ATP6V0A1: variants seen among roughly 807,000 people sequenced by gnomAD.
The protein encoded by ATP6V0A1 is ATPase H+ transporting V0 subunit a1, also known as V-type proton ATPase 116 kDa subunit a 1.
Under a neutral mutation model 105.4 loss-of-function variants are expected in ATP6V0A1, and 43 were observed. That is an observed-to-expected ratio of 0.41 (90% CI 0.32 to 0.53). The LOEUF (loss-of-function observed/expected upper bound fraction) is 0.53, where lower values mean the gene tolerates loss of function less well. Ranked by LOEUF, ATP6V0A1 falls within the 20% of genes least tolerant of loss-of-function variation. ATP6V0A1 has a pLI of 0.30. For missense variants in ATP6V0A1, 676 were observed against 1,051.1 expected, an observed-to-expected ratio of 0.64 and a Z score of 4.93; for synonymous variants, 362 against 372.8, an observed-to-expected ratio of 0.97 and a Z score of 0.33.
At chr17:42,517,299 C>CA (rs1567876351) in intron 21 of ATP6V0A1, among the ~76,000 whole-genome samples, 3 of 149,152 alleles carry the variant, frequency 2.0e-5, no homozygotes, top group African/African-American at 7.7e-5. Context: ...ACAACAACAA[C>CA]AACAACAAAA....
At chr17:42,479,708 T>G (rs1360608067) in intron 7 of ATP6V0A1, among the ~76,000 whole-genome samples, 2 of 152,208 alleles carry the variant, frequency 1.3e-5, no homozygotes, top group Admixed American at 1.3e-4. Flanking sequence ...GGAGTGTGGT[T>G]ACACTTCAGG....
At chr17:42,485,757 A>G (rs1456518473) in intron 9 of ATP6V0A1, among the ~76,000 whole-genome samples, 2 of 152,086 alleles carry the variant, frequency 1.3e-5, no homozygotes, top group Admixed American at 1.3e-4. Flanking sequence ...GGGTCTCACT[A>G]TGTTGCCCAA....
intron 19 of ATP6V0A1, among the ~76,000 whole-genome samples, chr17:42,508,836 A>G (rs2092185504): frequency 6.6e-6 from 1 of 152,154 alleles, no homozygotes; most frequent in African/African-American, 2.4e-5. Flanking sequence ...ACCTCTGAGA[A>G]TGGCTTTGAA....
At chr17:42,504,027 C>T (rs775067795) in intron 17 of ATP6V0A1, among the ~76,000 whole-genome samples, 8 of 152,136 alleles carry the variant, frequency 5.3e-5, no homozygotes, top group Admixed American at 1.3e-4. Context: ...TTAAGTCTTG[C>T]GACTTCTTCT....
At chr17:42,466,576 C>A in intron 3 of ATP6V0A1, 69 bp downstream of exon 3, 1 of 1,329,782 alleles carries the variant, frequency 7.5e-7, no homozygotes, top group Non-Finnish European at 1.1e-6. Flanking sequence ...TGACATTAGT[C>A]CTCTTAATAG....
intron 2 of ATP6V0A1, 103 bp from the exon 3 acceptor site, chr17:42,466,326 A>C: frequency 1.0e-6 from 1 of 959,022 alleles, no homozygotes; most frequent in Non-Finnish European, 1.6e-6. Flanking sequence ...TGCATCATGC[A>C]TTGACAGAAA....
At chr17:42,519,222 A>AG (rs2092742266) in intron 21 of ATP6V0A1, 1 of 152,070 alleles carries the variant, frequency 6.6e-6, no homozygotes, top group South Asian at 2.1e-4. Flanking sequence ...AGGTGACTGG[A>AG]GGGGTGCCAA....
intron 10 of ATP6V0A1, 53 bp downstream of exon 10, chr17:42,487,420 T>C: frequency 6.4e-7 from 1 of 1,573,506 alleles, no homozygotes; most frequent in Non-Finnish European, 8.7e-7. Context: ...GAGGTTCCCA[T>C]CAATAGTAAC....
chr17:42,482,187 C>T (rs1467027180), intron 8 of ATP6V0A1, among the ~76,000 whole-genome samples: 1 of 152,028 alleles, frequency 6.6e-6, no homozygotes, highest in East Asian at 1.9e-4. Flanking sequence ...CACTCTGTTG[C>T]CCAGGCTAAA....
chr17:42,494,116 A>G lies in ATP6V0A1; in HGVS notation c.1175-218A>G, dbSNP rs551760051. Among the ~76,000 whole-genome samples, 14 of 152,074 alleles carry G rather than the reference A, an allele frequency of 9.2e-5. No homozygotes were observed. In the East Asian group the frequency reaches 2.3e-3, roughly 25 times the overall value. ...AACTTAGCTAGGCATGGTGGTGGGC[A>G]CCTGTAATCCCAGCTACTCAAGAGG... On this transcript the variant is annotated intron_variant, in intron 11 of 21. Transcript: ENST00000343619.
chr17:42,477,624 G>T (rs1449723976), intron 5 of ATP6V0A1, 36 bp from the exon 6 acceptor site: 1 of 1,608,184 alleles, frequency 6.2e-7, no homozygotes, highest in Non-Finnish European at 8.5e-7. Flanking sequence ...GATATTAATT[G>T]ATTTGTGAAT....
intron 18 of ATP6V0A1, 37 bp from the exon 19 acceptor site, chr17:42,508,535 C>A (rs755119888): frequency 1.2e-6 from 2 of 1,613,672 alleles, no homozygotes. Flanking sequence ...TTGTGTGTGG[C>A]GTGGCTCCCC....
intron 10 of ATP6V0A1, among the ~76,000 whole-genome samples, chr17:42,488,272 T>C (rs1290844977): frequency 6.6e-6 from 1 of 152,226 alleles, no homozygotes; most frequent in Non-Finnish European, 1.5e-5. Flanking sequence ...AGACCATGTA[T>C]GTTTGGACAA....
At chr17:42,495,316 CTG>C (rs1598947655) in intron 13 of ATP6V0A1, 128 bp downstream of exon 13, 2 of 984,638 alleles carry the variant, frequency 2.0e-6, no homozygotes, top group East Asian at 2.4e-5. Context: ...ATGCTCCACA[CTG>C]TGAGTTGCTT....
At chr17:42,514,175 A>G (rs567150618) in intron 20 of ATP6V0A1, 114 bp from the exon 21 acceptor site, 42 of 1,388,578 alleles carry the variant, frequency 3.0e-5, no homozygotes, top group Middle Eastern at 1.9e-4. Flanking sequence ...CCACTAAGGC[A>G]GTGGGAAGCC....
intron 5 of ATP6V0A1, among the ~76,000 whole-genome samples, chr17:42,473,723 T>C (rs2088315219): frequency 6.6e-6 from 1 of 152,216 alleles, no homozygotes; most frequent in Non-Finnish European, 1.5e-5. Flanking sequence ...AGCTTCCTAT[T>C]ATGGTTCATT....
intron 2 of ATP6V0A1, among the ~76,000 whole-genome samples, chr17:42,465,394 G>A (rs753326134): frequency 1.5e-4 from 23 of 151,694 alleles, no homozygotes; most frequent in Admixed American, 2.0e-4. Flanking sequence ...GGGTTCAAGC[G>A]ATTCTTCTGC....
intron 17 of ATP6V0A1, 94 bp from the exon 18 acceptor site, chr17:42,507,426 C>G (rs561498241): frequency 2.3e-6 from 2 of 861,806 alleles, no homozygotes; most frequent in African/African-American, 3.4e-5. Context: ...ATATGCTTTT[C>G]TGAGGTTTGT....
At position 42,502,394 on chromosome 17, in the gene ATP6V0A1, GA is replaced by G. The variant is rs553649816; in HGVS notation, c.2004+1095del. 1.1e-4 allele frequency among the ~76,000 whole-genome samples: 16 copies of G among 152,262 alleles called. No homozygotes were observed. The South Asian group carries it at 3.3e-3, about 32-fold the overall frequency. On this transcript the variant is annotated intron_variant, in intron 17 of 21. Coordinates refer to ENST00000343619, the MANE Select transcript of ATP6V0A1 (RefSeq NM_001130021.3). Reference sequence around the variant, plus strand: ...AACTTTCACTGACCAAAACATCTGGGAAAAAGGTTTGGTTTAAAGCACGTTG... The same window carrying G: ...AACTTTCACTGACCAAAACATCTGGGAAAAGGTTTGGTTTAAAGCACGTTG...
Sources: allele counts gnomAD v4.1 joint callset (sites outside exome capture counted in the v4.1 genomes callset), GRCh38; gene constraint gnomAD v4.1.1; transcripts MANE v1.5; gene names NCBI Gene and HGNC (gene_info 2026-07-23, HGNC 2026-07-21).